PDE1A: variants seen among roughly 807,000 people sequenced by gnomAD.
PDE1A encodes phosphodiesterase 1A, also known as dual specificity calcium/calmodulin-dependent 3',5'-cyclic nucleotide phosphodiesterase 1A.
In PDE1A, 35 loss-of-function variants were observed where a neutral mutation model predicts 61.7. The ratio of observed to expected loss-of-function variants is 0.57; its 90% confidence interval spans 0.43 to 0.75. PDE1A has a LOEUF of 0.75. PDE1A is among the 30% of genes least tolerant of loss of function. The pLI is 0.00. For synonymous variants in PDE1A, 232 were observed against 213.2 expected, an observed-to-expected ratio of 1.09 and a Z score of -0.77; for missense variants, 597 against 630.6, an observed-to-expected ratio of 0.95 and a Z score of 0.57.
At chr2:182,664,193 G>C in the PDE1A span, among the ~76,000 whole-genome samples, 1 of 152,236 alleles carries the variant, frequency 6.6e-6, no homozygotes, top group South Asian at 2.1e-4. Flanking sequence ...GTATAGTTTG[G>C]TGCAAATCAC....
At chr2:182,574,875 A>G in the PDE1A span, among the ~76,000 whole-genome samples, 8 of 152,114 alleles carry the variant, frequency 5.3e-5, no homozygotes, top group Non-Finnish European at 1.2e-4. Flanking sequence ...ATTTTTTAGT[A>G]GAGACGGGGT....
chr2:182,414,262 A>G (rs2125540256), intron 1 of PDE1A, among the ~76,000 whole-genome samples: 1 of 152,288 alleles, frequency 6.6e-6, no homozygotes, highest in African/African-American at 2.4e-5. Flanking sequence ...AAATTATTTT[A>G]GAATGAATAG....
the PDE1A span, among the ~76,000 whole-genome samples, chr2:182,574,561 T>G: frequency 6.6e-6 from 1 of 152,218 alleles, no homozygotes; most frequent in Non-Finnish European, 1.5e-5. Context: ...AATGCTGATA[T>G]GAAGTTGATA....
At chr2:182,692,098 T>C in the PDE1A span, among the ~76,000 whole-genome samples, 1 of 152,168 alleles carries the variant, frequency 6.6e-6, no homozygotes, top group Admixed American at 6.5e-5. Flanking sequence ...AGTTCAACCA[T>C]TGTGGAAGAC....
chr2:182,191,428 GA>G (rs1330878103), intron 10 of PDE1A, among the ~76,000 whole-genome samples: 2 of 152,038 alleles, frequency 1.3e-5, no homozygotes, highest in East Asian at 3.8e-4. Context: ...AAATAAAATA[GA>G]AATAAAGCTA....
the PDE1A span, among the ~76,000 whole-genome samples, chr2:182,552,128 A>G: frequency 6.6e-6 from 1 of 152,220 alleles, no homozygotes; most frequent in African/African-American, 2.4e-5. Flanking sequence ...TTTCATTTTT[A>G]TCACATAATG....
chr2:182,305,982 T>C (rs1358438286), intron 1 of PDE1A, among the ~76,000 whole-genome samples: 2 of 152,100 alleles, frequency 1.3e-5, no homozygotes, highest in Non-Finnish European at 2.9e-5. Flanking sequence ...GTTCAAAAAA[T>C]TTATTTCTCT....
chr2:182,683,196 G>T, the PDE1A span, among the ~76,000 whole-genome samples: 4 of 150,962 alleles, frequency 2.6e-5, no homozygotes, highest in Non-Finnish European at 5.9e-5. Flanking sequence ...AGGTTCAAGC[G>T]ATTCTCCTGC....
At chr2:182,273,230 C>A (rs1289125599) in intron 1 of PDE1A, among the ~76,000 whole-genome samples, 1 of 151,878 alleles carries the variant, frequency 6.6e-6, no homozygotes, top group African/African-American at 2.4e-5. Flanking sequence ...GTAAAATGTC[C>A]AAGTCACAAG....
intron 2 of PDE1A, among the ~76,000 whole-genome samples, chr2:182,504,120 G>A (rs1424967440): frequency 2.0e-5 from 3 of 152,172 alleles, no homozygotes; most frequent in Non-Finnish European, 4.4e-5. Context: ...GACTCACGCT[G>A]TATACATTAG....
intron 2 of PDE1A, among the ~76,000 whole-genome samples, chr2:182,504,284 G>C (rs1376427259): frequency 6.6e-6 from 1 of 152,102 alleles, no homozygotes; most frequent in African/African-American, 2.4e-5. Flanking sequence ...TAATTCCAAG[G>C]TGCGCTAAAG....
intron 1 of PDE1A, among the ~76,000 whole-genome samples, chr2:182,271,175 C>A: frequency 7.0e-6 from 1 of 143,346 alleles, no homozygotes; most frequent in Non-Finnish European, 1.5e-5. Flanking sequence ...CTTTTAGGTA[C>A]CTTTACCACC....
intron 10 of PDE1A, among the ~76,000 whole-genome samples, chr2:182,198,076 A>G (rs945776465): frequency 6.6e-6 from 1 of 151,860 alleles, no homozygotes; most frequent in Non-Finnish European, 1.5e-5. Flanking sequence ...TTCTCTCAAA[A>G]ATGTTTTGTG....
rs556713248 is a variant in PDE1A, at chr2:182,244,130, G to T, written c.168-3838C>A. ...GATCCGCCCGCCTTGGCCTCCCAAA[G>T]TGCTGGGATTACAGGAGTGAGCCAC... is the stretch of plus-strand genomic sequence containing the variant. On this transcript the variant is annotated intron_variant, in intron 2 of 13. Transcript: ENST00000351439. 4.9e-4 allele frequency among the ~76,000 whole-genome samples: 75 copies of T among 152,312 alleles called. 1 individual carries two copies. The highest frequency in any genetic ancestry group is 1.7e-3 in the African/African-American group (70 of 41,580).
downstream of PDE1A, among the ~76,000 whole-genome samples, chr2:182,146,120 T>C (rs920134290): frequency 6.6e-6 from 1 of 152,208 alleles, no homozygotes; most frequent in Non-Finnish European, 1.5e-5. Context: ...CCTTTCTAAC[T>C]GCCCATATCT....
intron 2 of PDE1A, among the ~76,000 whole-genome samples, chr2:182,478,685 C>T (rs893103750): frequency 1.3e-5 from 2 of 151,912 alleles, no homozygotes; most frequent in African/African-American, 4.8e-5. Context: ...ATTTGTCCTG[C>T]TGCCTCCAAA....
the PDE1A span, among the ~76,000 whole-genome samples, chr2:182,603,304 G>A: frequency 1.3e-5 from 2 of 152,124 alleles, no homozygotes; most frequent in African/African-American, 4.8e-5. Context: ...ATTACTACTG[G>A]AGGTTAGCAC....
chr2:182,336,160 A>T (rs1402843336), intron 1 of PDE1A, among the ~76,000 whole-genome samples: 1 of 152,208 alleles, frequency 6.6e-6, no homozygotes, highest in Non-Finnish European at 1.5e-5. Context: ...ACACTTTTAC[A>T]CTGTTGGTGG....
chr2:182,370,432 A>C lies in PDE1A; in HGVS notation c.53+56146T>G, dbSNP rs146686718. Among the ~76,000 whole-genome samples, 11 of 152,254 alleles carry C rather than the reference A, an allele frequency of 7.2e-5. No homozygotes were observed. In the East Asian group the frequency reaches 2.1e-3, roughly 30 times the overall value. On this transcript the variant is annotated intron_variant, in intron 1 of 13. Transcript: ENST00000351439. Reference sequence around the variant, plus strand: ...CAGACAGTTGGTGAGAGAATGTGAGAGACTGATGGGGAATCAAGAAGAGCT... The same window carrying C: ...CAGACAGTTGGTGAGAGAATGTGAGCGACTGATGGGGAATCAAGAAGAGCT...
Sources: gnomAD v4.1 joint callset for allele counts (sites outside exome capture counted in the v4.1 genomes callset) on GRCh38, gnomAD v4.1.1 for gene constraint, MANE v1.5 for transcripts, NCBI Gene and HGNC (gene_info 2026-07-23, HGNC 2026-07-21) for gene names.